POFUT1: variants seen among roughly 807,000 people sequenced by gnomAD.
The protein encoded by POFUT1 is GDP-fucose protein O-fucosyltransferase 1.
A neutral mutation model predicts 42.4 loss-of-function variants in POFUT1; 16 were observed. The ratio of observed to expected loss-of-function variants is 0.38; its 90% CI spans 0.26 to 0.57. POFUT1 has a LOEUF of 0.57. Among genes scored for constraint, POFUT1 ranks in the 20% least tolerant of loss-of-function variants. The pLI is 0.71. For synonymous variants in POFUT1, 206 were observed against 205.4 expected (o/e 1.00, Z -0.03); for missense variants, 470 against 504.6 (o/e 0.93, Z 0.66).
At chr20:32,232,764 C>A (rs1221569765) in intron 6 of POFUT1, among the ~76,000 whole-genome samples, 1 of 151,884 alleles carries the variant, frequency 6.6e-6, no homozygotes, top group Non-Finnish European at 1.5e-5. Flanking sequence ...GTATCTGTTA[C>A]ACCTTGAACC....
At chr20:32,219,098 A>G (rs1296262925) in intron 4 of POFUT1, among the ~76,000 whole-genome samples, 1 of 152,224 alleles carries the variant, frequency 6.6e-6, no homozygotes, top group Non-Finnish European at 1.5e-5. Flanking sequence ...TGCTGGGGAT[A>G]TAGGCCAGAA....
rs551293268 is a variant in POFUT1, at chr20:32,234,774, C to G, written c.*113C>G. 2.0e-5 allele frequency: 18 copies of G among 916,970 alleles called. No individual in the cohort carries two copies. The East Asian group carries it at 4.6e-4, about 24-fold the overall frequency. The allele number at this position is 916,970 out of a possible 1,614,324, so 56.8% of individuals were successfully genotyped here. ...CCGGGATTGCAAACTCCTCTTCTCA[C>G]CTGCCAAAGATGGAGAAGAGTGCCA... is the stretch of plus-strand genomic sequence containing the variant. On this transcript the variant is annotated 3_prime_UTR_variant, in exon 7 of 7. Coordinates refer to ENST00000375749, the MANE Select transcript of POFUT1 (RefSeq NM_015352.2).
At position 32,228,299 on chromosome 20, in the gene POFUT1, A is replaced by G. The variant is rs1184493001; in HGVS notation, c.579A>G (p.Pro193=). Residue 193 remains proline, a synonymous_variant, in exon 5 of 7, where the codon CCA becomes CCG. Coordinates refer to ENST00000375749, the MANE Select transcript of POFUT1 (RefSeq NM_015352.2). The part of the protein sequence containing the change: ...SPKEHPVLAL[P]GAPAQFPVLE... ...AGGAACATCCGGTGCTTGCCCTGCC[A>G]GGAGCCCCAGCCCAGTTCCCCGTCC... 4 of 1,613,804 alleles carry G rather than the reference A, an allele frequency of 2.5e-6. No individual in the cohort carries two copies. Among genetic ancestry groups the G allele is most frequent in the African/African-American group, 1.3e-5 (1 of 74,934 alleles).
intron 6 of POFUT1, 107 bp downstream of exon 6, chr20:32,231,168 C>T: frequency 1.6e-6 from 2 of 1,214,044 alleles, no homozygotes; most frequent in Non-Finnish European, 2.4e-6. Context: ...AAGCCTTTTG[C>T]CTGGACCTAC....
At chr20:32,215,226 C>G (rs781723802) in intron 2 of POFUT1, 43 bp from the exon 3 acceptor site, 2 of 1,516,630 alleles carry the variant, frequency 1.3e-6, no homozygotes, top group South Asian at 2.3e-5. Flanking sequence ...AAAGTAGCCA[C>G]GGGGGCACTG....
In POFUT1 at chr20:32,238,129, A is replaced by G. The variant is rs973205354; in HGVS notation, c.*3468A>G. Reference sequence around the variant, plus strand: ...GAATTTAGGCCAAGTGTGGTGGCTCATGCCTGTAATCCCAGCACTTTGCGA... The same window carrying G: ...GAATTTAGGCCAAGTGTGGTGGCTCGTGCCTGTAATCCCAGCACTTTGCGA... On this transcript the variant is annotated 3_prime_UTR_variant, in exon 7 of 7. Transcript: ENST00000375749. 2.7e-5 allele frequency: 8 copies of G among 292,598 alleles called. No homozygotes were observed. Among genetic ancestry groups the G allele is most frequent in the South Asian group, 1.3e-4 (4 of 31,398 alleles). The allele number at this position is 292,598 out of a possible 1,614,324, so 18.1% of individuals were successfully genotyped here.
At chr20:32,210,004 T>G (rs1435295991) in intron 1 of POFUT1, 67 bp from the exon 2 acceptor site, 2 of 1,593,218 alleles carry the variant, frequency 1.3e-6, no homozygotes, top group Non-Finnish European at 8.6e-7. Flanking sequence ...ACAACCTTTC[T>G]GAGCCCTGCA....
rs62207424 is a variant in POFUT1 at position 32,237,023 on chromosome 20, A to T, written c.*2362A>T. 6.6e-6 allele frequency: 1 copy of T among 152,248 alleles called. No individual in the cohort carries two copies. Among genetic ancestry groups the T allele is most frequent in the Non-Finnish European group, 1.5e-5 (1 of 68,052 alleles). 9.4% of individuals were successfully genotyped at this position (152,248 alleles called of 1,614,324 possible). On this transcript the variant is annotated 3_prime_UTR_variant, in exon 7 of 7. Transcript: ENST00000375749. ...GAATGCACTTTCTACCCTGTGTGCC[A>T]TGGAGACCTCCTATGGAAAAATGAT... is the stretch of plus-strand genomic sequence containing the variant.
rs955818265 is a variant in POFUT1 at position 32,234,629 on chromosome 20, G to A, written c.1135G>A (p.Asp379Asn). Reference protein sequence around the residue: ...QGRPSSFFGMDRPPKLRDEF With the variant: ...QGRPSSFFGMNRPPKLRDEF Reference sequence around the variant, plus strand: ...GAGGCCGTCTTCTTTCTTCGGCATGGACAGGCCCCCTAAGCTGCGGGACGA... The same window carrying A: ...GAGGCCGTCTTCTTTCTTCGGCATGAACAGGCCCCCTAAGCTGCGGGACGA... The change falls in exon 7 of 7, where the codon GAC becomes AAC. Residue 379 changes from aspartate (D) to asparagine (N), a missense_variant. Transcript: ENST00000375749. 4 of 1,613,020 alleles carry A rather than the reference G, an allele frequency of 2.5e-6. No individual in the cohort carries two copies. The highest frequency in any genetic ancestry group is 1.3e-5 in the African/African-American group (1 of 74,902).
At chr20:32,228,165 T>A (rs998525767) in intron 4 of POFUT1, 98 bp from the exon 5 acceptor site, 18 of 933,442 alleles carry the variant, frequency 1.9e-5, no homozygotes, top group Non-Finnish European at 2.7e-5. Context: ...CTCCGCAGGG[T>A]CTCTGGGGCA....
intron 1 of POFUT1, among the ~76,000 whole-genome samples, chr20:32,209,437 T>G (rs1290699291): frequency 2.0e-5 from 3 of 152,248 alleles, no homozygotes; most frequent in Non-Finnish European, 4.4e-5. Context: ...CTTGTCCTTC[T>G]TGTTCATTCC....
intron 6 of POFUT1, chr20:32,231,284 A>T: frequency 1.8e-6 from 1 of 548,030 alleles, no homozygotes. Flanking sequence ...CCCTGCTGGG[A>T]CCTTCGTGGC....
In POFUT1 at chr20:32,217,587, A is replaced by G. The variant is rs183155720; in HGVS notation, c.542+866A>G. On this transcript the variant is annotated intron_variant, in intron 4 of 6. Transcript: ENST00000375749. ...TGATGGTACCCCTGCACTCCAGCCC[A>G]GGTTACAGAGCAAGGGCCTGTCTCA... 7 of 985,758 alleles carry G rather than the reference A, an allele frequency of 7.1e-6. No homozygotes were observed. The African/African-American group carries it at 1.2e-4, about 17-fold the overall frequency. 61.1% of individuals were successfully genotyped at this position (985,758 alleles called of 1,614,324 possible). A position where few individuals can be genotyped will look rare whatever the true frequency, so the allele number is the denominator to read the frequency against.
chr20:32,230,076 T>C (rs1462079812), intron 5 of POFUT1, among the ~76,000 whole-genome samples: 1 of 151,862 alleles, frequency 6.6e-6, no homozygotes, highest in African/African-American at 2.4e-5. Context: ...CTGCGCCTGG[T>C]CCTCAGTGTT....
rs578138413 is a variant in POFUT1 at position 32,235,746 on chromosome 20, A to G, written c.*1085A>G. Reference sequence around the variant, plus strand: ...TGAGTGTTTTGGTCTCAAATGCTGCAGTTTTAATAATCTGTGACTCCTGAG... The same window carrying G: ...TGAGTGTTTTGGTCTCAAATGCTGCGGTTTTAATAATCTGTGACTCCTGAG... On this transcript the variant is annotated 3_prime_UTR_variant, in exon 7 of 7. Transcript: ENST00000375749. 11 of 152,354 alleles carry G rather than the reference A, an allele frequency of 7.2e-5. No individual in the cohort carries two copies. Among genetic ancestry groups the G allele is most frequent in the African/African-American group, 2.6e-4 (11 of 41,574 alleles). 9.4% of individuals were successfully genotyped at this position (152,354 alleles called of 1,614,324 possible).
chr20:32,215,361 A>G lies in POFUT1; in HGVS notation c.339A>G (p.Ala113=). The change falls in exon 3 of 7, where the codon GCA becomes GCG. Residue 113 remains alanine, a synonymous_variant. Coordinates refer to ENST00000375749, the MANE Select transcript of POFUT1 (RefSeq NM_015352.2). ...ISLEDFMEKL[A]PTHWPPEKRV... ...TGGAGGATTTCATGGAGAAGCTGGC[A>G]CCCACCCACTGGCCCCCTGAGAAGC... is the stretch of plus-strand genomic sequence containing the variant. 1 of 1,613,938 alleles carries G rather than the reference A, an allele frequency of 6.2e-7. No homozygotes were observed. The highest frequency in any genetic ancestry group is 8.5e-7 in the Non-Finnish European group (1 of 1,179,946).
rs1457559110 is a variant in POFUT1 at position 32,208,028 on chromosome 20, G to A, written c.87G>A (p.Trp29Ter). 6.4e-7 allele frequency: 1 copy of A among 1,573,384 alleles called. No individual in the cohort carries two copies. Among genetic ancestry groups the A allele is most frequent in the South Asian group, 1.2e-5 (1 of 86,870 alleles). The change falls in exon 1 of 7, where the codon TGG becomes TGA. Residue 29 changes from tryptophan (W) to a stop codon, truncating the protein, a stop_gained. Transcript: ENST00000375749. LOFTEE classifies it high-confidence loss of function. ...TCCCGGGGATGCCTGCGGGCTCCTGGGACCCGGCCGGTTACCTGCTCTACT... is the reference window on the plus strand; with the variant it reads ...TCCCGGGGATGCCTGCGGGCTCCTGAGACCCGGCCGGTTACCTGCTCTACT... Reference protein sequence around the residue: ...LPLPGMPAGSWDPAGYLLYCP... With the variant: ...LPLPGMPAGS
intron 3 of POFUT1, among the ~76,000 whole-genome samples, chr20:32,216,168 A>G (rs1017247764): frequency 1.3e-5 from 2 of 152,250 alleles, no homozygotes; most frequent in African/African-American, 4.8e-5. Context: ...AATTTGAGAA[A>G]GGAGACCTAG....
intron 6 of POFUT1, 155 bp downstream of exon 6, chr20:32,231,216 C>T: frequency 1.4e-6 from 1 of 736,328 alleles, no homozygotes; most frequent in South Asian, 1.8e-5. Flanking sequence ...CAAACCCCAG[C>T]TCAGAGGCCT....
Sources: allele counts gnomAD v4.1 joint callset (sites outside exome capture counted in the v4.1 genomes callset), GRCh38; gene constraint gnomAD v4.1.1; transcripts MANE v1.5; gene names NCBI Gene and HGNC (gene_info 2026-07-23, HGNC 2026-07-21).